Variants in KLRG1 observed in about 807,000 individuals in gnomAD.
The protein encoded by KLRG1 is killer cell lectin like receptor G1.
In KLRG1, 16 loss-of-function variants were observed where a neutral mutation model predicts 21.8. The observed-to-expected ratio is 0.73, with a 90% CI of 0.50 to 1.11. The LOEUF is 1.11. Ranked by LOEUF, KLRG1 falls within the 50% of genes most tolerant of loss-of-function variation. KLRG1 has a pLI of 0.00. For synonymous variants in KLRG1, 69 were observed against 75.9 expected (o/e 0.91, Z 0.47); for missense variants, 173 against 218.3 (o/e 0.79, Z 1.31).
At chr12:9,061,200 C>G in the KLRG1 span, among the ~76,000 whole-genome samples, 1 of 152,268 alleles carries the variant, frequency 6.6e-6, no homozygotes, top group Non-Finnish European at 1.5e-5. Flanking sequence ...CCTCCCATCT[C>G]AATCTCCTGA....
At chr12:9,195,723 G>T in the KLRG1 span, among the ~76,000 whole-genome samples, 1 of 149,720 alleles carries the variant, frequency 6.7e-6, no homozygotes, top group African/African-American at 2.5e-5. Flanking sequence ...CAAAGTTCTG[G>T]GATTATAAGC....
At chr12:8,998,054 A>G (rs781279856) in intron 3 of KLRG1, among the ~76,000 whole-genome samples, 1 of 152,312 alleles carries the variant, frequency 6.6e-6, no homozygotes, top group African/African-American at 2.4e-5. Context: ...TTGGCTGGGC[A>G]TAGTGGCTCC....
At chr12:9,043,551 C>T in the KLRG1 span, among the ~76,000 whole-genome samples, 1 of 152,160 alleles carries the variant, frequency 6.6e-6, no homozygotes, top group African/African-American at 2.4e-5. Context: ...AGGCTAAGTG[C>T]ATTTTGTATG....
the KLRG1 span, chr12:9,091,187 A>G: frequency 6.2e-7 from 1 of 1,609,324 alleles, no homozygotes; most frequent in Non-Finnish European, 8.5e-7. Flanking sequence ...TTAATTTAGG[A>G]AAGAGATCCT....
In KLRG1 at chr12:8,983,537, A is replaced by C. The variant is rs552454639; in HGVS notation, c.-155-8669A>C. Among the ~76,000 whole-genome samples the C allele has an allele frequency of 2.7e-4, 41 of 151,466 alleles. 1 individual carries two copies. The highest frequency in any genetic ancestry group is 4.9e-4 in the Non-Finnish European group (33 of 67,934). On this transcript the variant is annotated intron_variant, in intron 1 of 4. Coordinates refer to the KLRG1 transcript ENST00000539240. ...TGCTTCAGCCTCCAGAGTACCTGAGATTACAGGCGCCTGCCACCACACCTA... is the reference window on the plus strand; with the variant it reads ...TGCTTCAGCCTCCAGAGTACCTGAGCTTACAGGCGCCTGCCACCACACCTA...
At chr12:9,063,973 C>T in the KLRG1 span, among the ~76,000 whole-genome samples, 1 of 152,168 alleles carries the variant, frequency 6.6e-6, no homozygotes, top group Admixed American at 6.5e-5. Flanking sequence ...AAAACTAGAA[C>T]CAAGAGGTAA....
chr12:8,963,287 A>G (rs1034411890), intron 1 of KLRG1, among the ~76,000 whole-genome samples: 1 of 152,212 alleles, frequency 6.6e-6, no homozygotes. Context: ...TTTTTTCTGC[A>G]TGAAGGAAAA....
At chr12:9,196,531 A>G in the KLRG1 span, 1 of 1,575,878 alleles carries the variant, frequency 6.3e-7, no homozygotes, top group Non-Finnish European at 8.7e-7. Flanking sequence ...ATGGAAAGTA[A>G]ACTATTGTTT....
At chr12:9,166,603 C>T in the KLRG1 span, among the ~76,000 whole-genome samples, 2 of 152,202 alleles carry the variant, frequency 1.3e-5, no homozygotes, top group African/African-American at 4.8e-5. Context: ...AATGAAATTA[C>T]CAGTGGAGTG....
chr12:9,016,819 G>A, the KLRG1 span, among the ~76,000 whole-genome samples: 557 of 151,844 alleles, frequency 3.7e-3, 3 homozygotes, highest in Middle Eastern at 0.027. Context: ...TCACTATGTT[G>A]GCCAGACTGG....
chr12:8,961,601 A>G (rs895757893), intron 1 of KLRG1, among the ~76,000 whole-genome samples: 2 of 147,410 alleles, frequency 1.4e-5, no homozygotes, highest in African/African-American at 2.5e-5. Flanking sequence ...TTTTTTTTTT[A>G]GTAGAGACAG....
the KLRG1 span, chr12:9,152,908 G>C: frequency 3.7e-6 from 6 of 1,614,066 alleles, no homozygotes; most frequent in Non-Finnish European, 5.1e-6. Context: ...TAAAGCAAAT[G>C]GGGAGTCCTC....
chr12:9,000,701 AG>A (rs1947280691), intron 3 of KLRG1, among the ~76,000 whole-genome samples: 1 of 152,224 alleles, frequency 6.6e-6, no homozygotes, highest in Non-Finnish European at 1.5e-5. Flanking sequence ...CATGTATCAA[AG>A]TTATGGCTGA....
the KLRG1 span, chr12:9,181,196 G>T: frequency 6.2e-7 from 1 of 1,603,050 alleles, no homozygotes; most frequent in Non-Finnish European, 8.5e-7. Flanking sequence ...GCAGTCACCT[G>T]CATTTCCTAA....
At chr12:9,014,123 G>C (rs1371995013), downstream of KLRG1, among the ~76,000 whole-genome samples, 1 of 152,150 alleles carries the variant, frequency 6.6e-6, no homozygotes, top group South Asian at 2.1e-4. Flanking sequence ...GGAGAAAATA[G>C]CCTCAAAAGG....
Position 9,009,961 on chromosome 12 carries a change from C to G in KLRG1, c.*424C>G. On this transcript the variant is annotated 3_prime_UTR_variant, in exon 5 of 5. Coordinates refer to ENST00000356986, the MANE Select transcript of KLRG1 (RefSeq NM_005810.4). ...TACATTATTGCTGTACTCCTCTGTA[C>G]ATTACTGATCCCTGATGGTATATTT... The G allele has an allele frequency of 7.2e-6, 11 of 1,529,766 alleles. No individual in the cohort carries two copies. The highest frequency in any genetic ancestry group is 9.6e-6 in the Non-Finnish European group (11 of 1,141,872). The allele number at this position is 1,529,766 out of a possible 1,614,324, so 94.8% of individuals were successfully genotyped here. A position where few individuals can be genotyped will look rare whatever the true frequency, so the allele number is the denominator to read the frequency against.
chr12:9,126,139 C>G, the KLRG1 span, among the ~76,000 whole-genome samples: 3 of 152,184 alleles, frequency 2.0e-5, no homozygotes, highest in South Asian at 6.2e-4. Flanking sequence ...GAGCATATAA[C>G]TCAACTGTTA....
the KLRG1 span, among the ~76,000 whole-genome samples, chr12:9,039,417 A>G: frequency 2.0e-5 from 3 of 152,364 alleles, no homozygotes; most frequent in African/African-American, 7.2e-5. Flanking sequence ...TAGGATTGAC[A>G]AAACGATCTT....
chr12:9,146,467 T>G, the KLRG1 span, among the ~76,000 whole-genome samples: 3 of 152,194 alleles, frequency 2.0e-5, no homozygotes, highest in Non-Finnish European at 2.9e-5. Context: ...TTTTGAATTC[T>G]CCATAAAGTA....
Sources: gnomAD v4.1 joint callset for allele counts (sites outside exome capture counted in the v4.1 genomes callset) on GRCh38, gnomAD v4.1.1 for gene constraint, MANE v1.5 for transcripts, NCBI Gene and HGNC (gene_info 2026-07-23, HGNC 2026-07-21) for gene names.